TMEM132D: variants seen among roughly 807,000 people sequenced by gnomAD.
TMEM132D encodes the protein transmembrane protein 132D, also known as mature OL transmembrane protein.
TMEM132D carries 21 observed loss-of-function variants against 62.3 expected under a neutral mutation model. That is an observed-to-expected ratio of 0.34 (90% confidence interval 0.24 to 0.49). The LOEUF (loss-of-function observed/expected upper bound fraction) is 0.49, where lower values mean the gene tolerates loss of function less well. Ranked by LOEUF, TMEM132D falls within the 20% of genes least tolerant of loss-of-function variation. The pLI is 0.99. For synonymous variants in TMEM132D, 621 were observed against 575.6 expected (o/e 1.08, Z -1.13); for missense variants, 1,346 against 1,402.8 (o/e 0.96, Z 0.65).
chr12:129,304,446 G>A (rs959559693), intron 4 of TMEM132D, among the ~76,000 whole-genome samples: 7 of 148,614 alleles, frequency 4.7e-5, no homozygotes, highest in South Asian at 2.2e-4. Flanking sequence ...CTCCAATACC[G>A]TGCAAAGACC....
At chr12:129,607,716 T>C (rs1593086452) in intron 2 of TMEM132D, among the ~76,000 whole-genome samples, 1 of 152,184 alleles carries the variant, frequency 6.6e-6, no homozygotes, top group African/African-American at 2.4e-5. Context: ...GATGAATAGA[T>C]GAACAGAGAC....
At chr12:129,451,176 T>C (rs1193219354) in intron 3 of TMEM132D, among the ~76,000 whole-genome samples, 3 of 152,140 alleles carry the variant, frequency 2.0e-5, no homozygotes, top group Admixed American at 2.0e-4. Flanking sequence ...GCTCAATTCA[T>C]GGGCTTCCTA....
chr12:129,845,476 G>A (rs75710722), intron 1 of TMEM132D, among the ~76,000 whole-genome samples: 3,036 of 152,244 alleles, frequency 0.02, 105 homozygotes, highest in African/African-American at 0.069. Context: ...AAAGGGCCAC[G>A]CTTGCAATAC....
Position 129,251,766 on chromosome 12 carries a change from T to C in TMEM132D, c.1300-42103A>G, listed in dbSNP as rs139859756. ...CTAAGAATGGAATAGGAGGGAATAA[T>C]GTGTCCTATTTCAGGACCAGGGCCT... On this transcript the variant is annotated intron_variant, in intron 4 of 8. Coordinates refer to ENST00000422113, the MANE Select transcript of TMEM132D (RefSeq NM_133448.3). Among the ~76,000 whole-genome samples the C allele has an allele frequency of 2.8e-4, 42 of 152,306 alleles. No homozygotes were observed. The East Asian group carries it at 5.6e-3, about 20-fold the overall frequency.
At chr12:129,853,825 G>C (rs1437918796) in intron 1 of TMEM132D, 7 of 152,068 alleles carry the variant, frequency 4.6e-5, no homozygotes, top group Non-Finnish European at 8.8e-5. Flanking sequence ...GGAGAGGGGA[G>C]TCTTAGGTTT....
In TMEM132D at chr12:129,737,059, G is replaced by A. The variant is rs113916017; in HGVS notation, c.80-36361C>T. On this transcript the variant is annotated intron_variant, in intron 1 of 8. Transcript: ENST00000422113. ...TCCTCAACTTCTGACCTCATGATCC[G>A]CCTGCCTCAGCATCCCAAAGTGCTG... Among the ~76,000 whole-genome samples, 1,095 of 152,054 alleles carry A rather than the reference G, an allele frequency of 7.2e-3. 16 individuals carry two copies. Among genetic ancestry groups the A allele is most frequent in the African/African-American group, 0.025 (1,020 of 41,458 alleles).
intron 2 of TMEM132D, among the ~76,000 whole-genome samples, chr12:129,581,466 G>A (rs1877861326): frequency 6.6e-6 from 1 of 152,214 alleles, no homozygotes; most frequent in Non-Finnish European, 1.5e-5. Context: ...CCCAAAACCT[G>A]AAAATTAGGG....
intron 1 of TMEM132D, among the ~76,000 whole-genome samples, chr12:129,847,144 T>C (rs1768307265): frequency 6.6e-6 from 1 of 152,228 alleles, no homozygotes; most frequent in African/African-American, 2.4e-5. Flanking sequence ...CAGTGAGGAT[T>C]AATCTATTTC....
intron 5 of TMEM132D, among the ~76,000 whole-genome samples, chr12:129,144,739 T>C (rs1876841447): frequency 6.6e-6 from 1 of 151,288 alleles, no homozygotes; most frequent in South Asian, 2.1e-4. Context: ...GTATCATTCA[T>C]CTAACATCTA....
chr12:129,323,622 A>T (rs961686963), intron 4 of TMEM132D, among the ~76,000 whole-genome samples: 1 of 151,960 alleles, frequency 6.6e-6, no homozygotes, highest in Admixed American at 6.6e-5. Flanking sequence ...CACAGGTTAT[A>T]AAAAAAATAC....
chr12:129,870,262 C>T (rs574626477), intron 1 of TMEM132D, among the ~76,000 whole-genome samples: 1 of 152,238 alleles, frequency 6.6e-6, no homozygotes, highest in African/African-American at 2.4e-5. Context: ...AGATTACAGG[C>T]ATGAGCCACC....
intron 1 of TMEM132D, among the ~76,000 whole-genome samples, chr12:129,823,696 G>A (rs1442136544): frequency 6.6e-6 from 1 of 152,222 alleles, no homozygotes; most frequent in Non-Finnish European, 1.5e-5. Flanking sequence ...TGGAGAGGAA[G>A]GAGGTAGAGG....
intron 3 of TMEM132D, among the ~76,000 whole-genome samples, chr12:129,432,151 A>ATGCT (rs1422273605): frequency 2.7e-5 from 4 of 145,772 alleles, no homozygotes; most frequent in African/African-American, 5.2e-5. Flanking sequence ...GGATGGATGG[A>ATGCT]TGGATGCTTG....
intron 2 of TMEM132D, among the ~76,000 whole-genome samples, chr12:129,636,737 T>TGTGTGTGTGTGTGTGTGTGAGAGAGAGA (rs375868329): frequency 1.8e-5 from 2 of 113,562 alleles, no homozygotes; most frequent in Non-Finnish European, 3.5e-5. Flanking sequence ...TGTGTGTGTG[T>TGTGTGTGTGTGTGTGTGTGAGAGAGAGA]GAGAGAGAGA....
chr12:129,829,435 C>T (rs1872762872), intron 1 of TMEM132D, among the ~76,000 whole-genome samples: 1 of 152,062 alleles, frequency 6.6e-6, no homozygotes, highest in African/African-American at 2.4e-5. Context: ...GACAAATGTG[C>T]TTTTATGGGA....
At chr12:129,745,051 C>T (rs1319264020) in intron 1 of TMEM132D, among the ~76,000 whole-genome samples, 2 of 152,102 alleles carry the variant, frequency 1.3e-5, no homozygotes, top group South Asian at 2.1e-4. Context: ...CATGCTCTCT[C>T]GCTGTCCTGC....
intron 5 of TMEM132D, among the ~76,000 whole-genome samples, chr12:129,157,625 A>G (rs966813510): frequency 6.6e-6 from 1 of 152,250 alleles, no homozygotes; most frequent in East Asian, 1.9e-4. Flanking sequence ...ATGAAACACA[A>G]ATTATATAAA....
chr12:129,233,255 C>T (rs1235772341), intron 4 of TMEM132D, among the ~76,000 whole-genome samples: 1 of 152,162 alleles, frequency 6.6e-6, no homozygotes, highest in African/African-American at 2.4e-5. Flanking sequence ...TGAGTTCATC[C>T]CAGTATACGC....
At chr12:129,477,057 G>A (rs537457639) in intron 3 of TMEM132D, among the ~76,000 whole-genome samples, 7 of 152,200 alleles carry the variant, frequency 4.6e-5, no homozygotes, top group South Asian at 2.1e-4. Context: ...GTTTCAGGAC[G>A]GTGCTTTTCT....
Sources: gnomAD v4.1 joint callset for allele counts (sites outside exome capture counted in the v4.1 genomes callset) on GRCh38, gnomAD v4.1.1 for gene constraint, MANE v1.5 for transcripts, NCBI Gene and HGNC (gene_info 2026-07-23, HGNC 2026-07-21) for gene names.